LRBA: variants seen among roughly 807,000 people sequenced by gnomAD.
The protein encoded by LRBA is lipopolysaccharide-responsive and beige-like anchor protein.
Under a neutral mutation model 330.0 loss-of-function variants are expected in LRBA, and 176 were observed. That is an observed-to-expected ratio of 0.53 (90% CI 0.47 to 0.60). The LOEUF is 0.60. Ranked by LOEUF, LRBA falls within the 20% of genes least tolerant of loss-of-function variation. The pLI is 0.00. For synonymous variants in LRBA, 1,230 were observed against 1,193.0 expected (o/e 1.03, Z -0.64); for missense variants, 3,259 against 3,444.8 (o/e 0.95, Z 1.35).
intron 37 of LRBA, among the ~76,000 whole-genome samples, chr4:150,625,860 C>A (rs1460513280): frequency 6.6e-6 from 1 of 151,830 alleles, no homozygotes; most frequent in African/African-American, 2.4e-5. Context: ...CAGGCACCCA[C>A]CACCACACCC....
rs1426445557 is a variant in LRBA at position 150,457,852 on chromosome 4, T to C, written c.6780+9821A>G. ...TTATGGGATAAAATTAATAATGCTA[T>C]GCAAATAAAACAATTCATTTATAAA... On this transcript the variant is annotated intron_variant, in intron 44 of 56. Coordinates refer to ENST00000651943, the MANE Select transcript of LRBA (RefSeq NM_001364905.1). 2.6e-5 allele frequency among the ~76,000 whole-genome samples: 4 copies of C among 152,090 alleles called. No homozygotes were observed. The East Asian group carries it at 5.8e-4, about 22-fold the overall frequency.
At chr4:150,690,491 G>T (rs1784026090) in intron 36 of LRBA, among the ~76,000 whole-genome samples, 1 of 112,004 alleles carries the variant, frequency 8.9e-6, no homozygotes. Flanking sequence ...AATAGAGCAA[G>T]ACTCCATCTC....
At chr4:150,696,066 C>CA (rs937553611) in intron 36 of LRBA, among the ~76,000 whole-genome samples, 2 of 151,832 alleles carry the variant, frequency 1.3e-5, no homozygotes, top group Middle Eastern at 3.2e-3. Flanking sequence ...CCTATCTTTA[C>CA]AAAAAATAGA....
chr4:150,834,196 A>G (rs1161498750), intron 28 of LRBA, among the ~76,000 whole-genome samples: 1 of 152,182 alleles, frequency 6.6e-6, no homozygotes, highest in Non-Finnish European at 1.5e-5. Context: ...ATTAACATTG[A>G]TATGTTGATT....
intron 50 of LRBA, among the ~76,000 whole-genome samples, chr4:150,315,834 C>G (rs1731651775): frequency 6.6e-6 from 1 of 152,138 alleles, no homozygotes; most frequent in Non-Finnish European, 1.5e-5. Flanking sequence ...ACTGTGCCAT[C>G]AGCAGTGGCT....
chr4:150,419,633 C>CTTTTTT (rs780382905), intron 46 of LRBA, among the ~76,000 whole-genome samples: 4 of 96,988 alleles, frequency 4.1e-5, no homozygotes, highest in Non-Finnish European at 6.0e-5. Flanking sequence ...CTGATAATAT[C>CTTTTTT]TTTTTTTTTT....
At chr4:150,859,176 C>G (rs1337086582) in intron 22 of LRBA, among the ~76,000 whole-genome samples, 1 of 152,058 alleles carries the variant, frequency 6.6e-6, no homozygotes, top group African/African-American at 2.4e-5. Flanking sequence ...TCCTCAAATT[C>G]ACTATTTAGG....
chr4:150,579,842 G>C (rs1195518170), intron 40 of LRBA: 1 of 393,918 alleles, frequency 2.5e-6, no homozygotes, highest in South Asian at 1.8e-5. Flanking sequence ...GTCGCGGGCC[G>C]GGCCATTCGC....
At chr4:150,320,615 T>A (rs1732363499) in intron 50 of LRBA, among the ~76,000 whole-genome samples, 1 of 151,924 alleles carries the variant, frequency 6.6e-6, no homozygotes, top group Non-Finnish European at 1.5e-5. Flanking sequence ...AAGACCAGCC[T>A]GGGCAACATA....
chr4:150,433,859 G>C (rs1337357876), intron 46 of LRBA, among the ~76,000 whole-genome samples: 1 of 152,044 alleles, frequency 6.6e-6, no homozygotes, highest in East Asian at 1.9e-4. Flanking sequence ...GAGTATATCA[G>C]AGTATATTAT....
chr4:150,401,306 G>C (rs992849517), intron 47 of LRBA, among the ~76,000 whole-genome samples: 2 of 152,238 alleles, frequency 1.3e-5, no homozygotes, highest in Non-Finnish European at 2.9e-5. Context: ...TTGTGGGACA[G>C]TAATTATTCA....
intron 37 of LRBA, among the ~76,000 whole-genome samples, chr4:150,622,383 AT>A (rs1289903298): frequency 5.9e-5 from 9 of 152,216 alleles, no homozygotes; most frequent in Admixed American, 2.6e-4. Flanking sequence ...TACAAAAGTT[AT>A]AAAAAGTAGC....
At position 150,957,421 on chromosome 4, in the gene LRBA, C is replaced by A. The variant is rs180833528; in HGVS notation, c.217-28356G>T. Among the ~76,000 whole-genome samples the A allele has an allele frequency of 3.4e-5, 5 of 148,510 alleles. No homozygotes were observed. The East Asian group carries it at 9.7e-4, about 29-fold the overall frequency. On this transcript the variant is annotated intron_variant, in intron 2 of 56. Coordinates refer to ENST00000651943, the MANE Select transcript of LRBA (RefSeq NM_001364905.1). Reference sequence around the variant, plus strand: ...CAAGAGAACAGCACGGAAAGACCTGCCCCCATGATTCAATTACCTCCCACT... The same window carrying A: ...CAAGAGAACAGCACGGAAAGACCTGACCCCATGATTCAATTACCTCCCACT...
chr4:150,934,579 A>G (rs1042689663), intron 2 of LRBA, among the ~76,000 whole-genome samples: 3 of 152,162 alleles, frequency 2.0e-5, no homozygotes, highest in Admixed American at 6.6e-5. Flanking sequence ...TTAATTGCTT[A>G]TTTAGAAAAT....
chr4:150,989,481 C>A (rs1741830126), intron 2 of LRBA, among the ~76,000 whole-genome samples: 2 of 151,910 alleles, frequency 1.3e-5, no homozygotes, highest in Admixed American at 1.3e-4. Context: ...GGCATGGTGA[C>A]ACACACCTGT....
chr4:150,390,273 C>T (rs1172067683), intron 47 of LRBA, among the ~76,000 whole-genome samples: 1 of 152,136 alleles, frequency 6.6e-6, no homozygotes, highest in Admixed American at 6.5e-5. Flanking sequence ...CAGCCTAAGC[C>T]ATCCATTTTC....
intron 47 of LRBA, among the ~76,000 whole-genome samples, chr4:150,412,778 AT>A (rs1271902318): frequency 1.8e-4 from 27 of 151,884 alleles, no homozygotes; most frequent in African/African-American, 5.6e-4. Flanking sequence ...CAATAAAAAA[AT>A]GATCAGAACA....
At chr4:150,878,178 C>CA (rs140005096) in intron 17 of LRBA, among the ~76,000 whole-genome samples, 6,715 of 137,452 alleles carry the variant, frequency 0.049, 169 homozygotes, top group African/African-American at 0.072. Context: ...TCCAAAAATA[C>CA]AAAAAAAAAA....
intron 40 of LRBA, among the ~76,000 whole-genome samples, chr4:150,513,631 G>C (rs1762054628): frequency 6.6e-6 from 1 of 152,158 alleles, no homozygotes; most frequent in African/African-American, 2.4e-5. Context: ...CAGCCAGTTT[G>C]GTTCCTGCTG....
Sources: allele counts gnomAD v4.1 joint callset (sites outside exome capture counted in the v4.1 genomes callset), GRCh38; gene constraint gnomAD v4.1.1; transcripts MANE v1.5; gene names NCBI Gene and HGNC (gene_info 2026-07-23, HGNC 2026-07-21).